The following KLHL32 variants were observed in gnomAD, a reference collection of about 807,000 sequenced individuals.
KLHL32 encodes kelch-like protein 32.
In KLHL32, 35 loss-of-function variants were observed where a neutral mutation model predicts 64.8. The observed-to-expected ratio is 0.54, with a 90% CI of 0.41 to 0.72. The LOEUF is 0.72. Ranked by LOEUF, KLHL32 falls within the 30% of genes least tolerant of loss-of-function variation. KLHL32 has a pLI of 0.00. For missense variants in KLHL32, 589 were observed against 768.5 expected (o/e 0.77, Z 2.76); for synonymous variants, 259 against 281.0 (o/e 0.92, Z 0.78).
At chr6:97,137,647 G>A (rs2128225803) in intron 10 of KLHL32, among the ~76,000 whole-genome samples, 1 of 152,176 alleles carries the variant, frequency 6.6e-6, no homozygotes, top group East Asian at 1.9e-4. Context: ...CCATTCTCCT[G>A]CCTCAGCCTC....
At chr6:97,056,241 G>T (rs1371609603) in intron 4 of KLHL32, among the ~76,000 whole-genome samples, 1 of 151,702 alleles carries the variant, frequency 6.6e-6, no homozygotes, top group Admixed American at 6.6e-5. Context: ...TAGTAGCTGG[G>T]ACTACAGGCG....
At chr6:96,976,325 C>A (rs1775687226) in intron 3 of KLHL32, 148 bp downstream of exon 3, 2 of 703,448 alleles carry the variant, frequency 2.8e-6, no homozygotes, top group Non-Finnish European at 4.3e-6. Flanking sequence ...TAGAATGCTT[C>A]CTGGGGCCCC....
rs1333120941 is a variant in KLHL32 at position 96,966,996 on chromosome 6, C to G, written c.-65C>G. The G allele has an allele frequency of 6.8e-7, 1 of 1,460,566 alleles. No individual in the cohort carries two copies. The highest frequency in any genetic ancestry group is 9.6e-7 in the Non-Finnish European group (1 of 1,042,266). 90.5% of individuals were successfully genotyped at this position (1,460,566 alleles called of 1,614,324 possible). ...CCTTTTCTCTTGTCTTTTTATTCAGCTGGAATGCTTGCTGATTCCTCTGCA... is the reference window on the plus strand; with the variant it reads ...CCTTTTCTCTTGTCTTTTTATTCAGGTGGAATGCTTGCTGATTCCTCTGCA... On this transcript the variant is annotated splice_region_variant and 5_prime_UTR_variant, in exon 2 of 11. Coordinates refer to ENST00000369261, the MANE Select transcript of KLHL32 (RefSeq NM_052904.4).
chr6:97,089,458 TA>T (rs1317045176), intron 6 of KLHL32, among the ~76,000 whole-genome samples: 1 of 152,240 alleles, frequency 6.6e-6, no homozygotes, highest in African/African-American at 2.4e-5. Flanking sequence ...TTCTTACTTT[TA>T]GTGAGAACTT....
At chr6:97,026,311 G>T (rs1422965156) in intron 3 of KLHL32, among the ~76,000 whole-genome samples, 1 of 151,936 alleles carries the variant, frequency 6.6e-6, no homozygotes, top group Non-Finnish European at 1.5e-5. Flanking sequence ...GTTCGAGGTT[G>T]CAGTGAGCTA....
intron 4 of KLHL32, among the ~76,000 whole-genome samples, chr6:97,056,106 C>CTTTTTTTTTTTTT (rs1171932769): frequency 2.1e-4 from 18 of 85,070 alleles, no homozygotes; most frequent in African/African-American, 7.1e-4. Context: ...CTTTTTTTTT[C>CTTTTTTTTTTTTT]TTTTTTTTTT....
intron 8 of KLHL32, among the ~76,000 whole-genome samples, chr6:97,128,600 A>T (rs763229336): frequency 3.2e-4 from 49 of 152,182 alleles, no homozygotes; most frequent in Non-Finnish European, 6.0e-4. Context: ...CCTGGTGCTT[A>T]TTTCTCTTCT....
chr6:96,973,871 G>A (rs118019237), intron 2 of KLHL32, among the ~76,000 whole-genome samples: 10,183 of 151,676 alleles, frequency 0.067, 421 homozygotes, highest in Middle Eastern at 0.14. Flanking sequence ...TAAGGTGCGC[G>A]CCACCATGCC....
At chr6:96,960,745 G>T (rs961852695) in intron 1 of KLHL32, among the ~76,000 whole-genome samples, 10 of 152,174 alleles carry the variant, frequency 6.6e-5, no homozygotes, top group African/African-American at 2.2e-4. Flanking sequence ...GAGACATAAG[G>T]CATCAGTCAA....
intron 3 of KLHL32, among the ~76,000 whole-genome samples, chr6:96,999,938 G>T (rs1488088860): frequency 6.6e-6 from 1 of 152,152 alleles, no homozygotes; most frequent in Non-Finnish European, 1.5e-5. Flanking sequence ...GCATAGAGAT[G>T]ATTGTTGACA....
intron 6 of KLHL32, among the ~76,000 whole-genome samples, chr6:97,098,195 A>G (rs2128193069): frequency 6.6e-6 from 1 of 152,350 alleles, no homozygotes; most frequent in East Asian, 1.9e-4. Context: ...ACATTGTGTT[A>G]TAATGAGCTT....
At chr6:96,909,451 C>G in the KLHL32 span, among the ~76,000 whole-genome samples, 1 of 152,112 alleles carries the variant, frequency 6.6e-6, no homozygotes, top group Non-Finnish European at 1.5e-5. Context: ...GCTTTGCAAC[C>G]CTGCTTATCC....
chr6:96,976,882 C>T (rs1775756974), intron 3 of KLHL32, among the ~76,000 whole-genome samples: 1 of 152,096 alleles, frequency 6.6e-6, no homozygotes, highest in African/African-American at 2.4e-5. Flanking sequence ...TACAGACACA[C>T]ACCACCGCGG....
intron 5 of KLHL32, among the ~76,000 whole-genome samples, chr6:97,079,653 A>G (rs1792173149): frequency 6.6e-6 from 1 of 152,174 alleles, no homozygotes; most frequent in Admixed American, 6.5e-5. Context: ...TATTGAGGAC[A>G]CATTTTATGG....
intron 7 of KLHL32, among the ~76,000 whole-genome samples, chr6:97,115,180 T>C (rs1315676616): frequency 6.6e-6 from 1 of 152,108 alleles, no homozygotes; most frequent in Non-Finnish European, 1.5e-5. Flanking sequence ...CACACCCAGC[T>C]AATTTTTGTA....
intron 1 of KLHL32, among the ~76,000 whole-genome samples, chr6:96,951,291 A>G (rs186740375): frequency 2.0e-5 from 3 of 152,122 alleles, no homozygotes; most frequent in Non-Finnish European, 4.4e-5. Context: ...CAACAGCCCT[A>G]TACACCTTGT....
intron 5 of KLHL32, among the ~76,000 whole-genome samples, chr6:97,083,437 C>T (rs1792899952): frequency 6.6e-6 from 1 of 151,758 alleles, no homozygotes; most frequent in Non-Finnish European, 1.5e-5. Flanking sequence ...GATTCAGTGA[C>T]TGACCCGAGG....
At chr6:96,985,067 G>A (rs890908799) in intron 3 of KLHL32, among the ~76,000 whole-genome samples, 3 of 152,086 alleles carry the variant, frequency 2.0e-5, no homozygotes, top group Admixed American at 2.0e-4. Context: ...GGCAGGCCTG[G>A]TGGTGACAAA....
chr6:96,962,136 A>G (rs891748683), intron 1 of KLHL32, among the ~76,000 whole-genome samples: 5 of 152,180 alleles, frequency 3.3e-5, no homozygotes, highest in South Asian at 2.1e-4. Flanking sequence ...CTTGCTCACT[A>G]TTATGGTTTA....
Sources: gnomAD v4.1 joint callset for allele counts (sites outside exome capture counted in the v4.1 genomes callset) on GRCh38, gnomAD v4.1.1 for gene constraint, MANE v1.5 for transcripts, NCBI Gene and HGNC (gene_info 2026-07-23, HGNC 2026-07-21) for gene names.